The following THEMIS variants were observed in gnomAD, a reference collection of about 807,000 sequenced individuals.
THEMIS encodes the protein thymocyte selection associated, also known as protein THEMIS.
A neutral mutation model predicts 52.6 loss-of-function variants in THEMIS; 37 were observed. The ratio of observed to expected loss-of-function variants is 0.70; its 90% CI spans 0.54 to 0.93. THEMIS has a LOEUF of 0.93. Ranked by LOEUF, THEMIS falls within the 40% of genes least tolerant of loss-of-function variation. The pLI, the probability that THEMIS is intolerant of heterozygous loss-of-function variation, is 0.00. For missense variants in THEMIS, 808 were observed against 763.1 expected, an observed-to-expected ratio of 1.06 and a Z score of -0.69; for synonymous variants, 292 against 272.7, an observed-to-expected ratio of 1.07 and a Z score of -0.70.
Position 127,724,260 on chromosome 6 carries a change from T to C in THEMIS, c.1759-4437A>G, listed in dbSNP as rs1444206678. Among the ~76,000 whole-genome samples, 10 of 152,266 alleles carry C rather than the reference T, an allele frequency of 6.6e-5. No homozygotes were observed. The East Asian group carries it at 7.7e-4, about 12-fold the overall frequency. On this transcript the variant is annotated intron_variant, in intron 4 of 5. Transcript: ENST00000368248. ...ATCATGCAGAACTGTATTCATACAG[T>C]ATCCCATATAGCTCTGAATCAAATT...
At chr6:127,822,997 C>T (rs1171541002) in intron 3 of THEMIS, among the ~76,000 whole-genome samples, 2 of 152,064 alleles carry the variant, frequency 1.3e-5, no homozygotes, top group East Asian at 1.9e-4. Context: ...TATTTACATA[C>T]AATTTGTTTT....
At chr6:127,801,641 C>T (rs1777539263) in intron 4 of THEMIS, among the ~76,000 whole-genome samples, 1 of 152,146 alleles carries the variant, frequency 6.6e-6, no homozygotes, top group African/African-American at 2.4e-5. Flanking sequence ...CCCTCCTCAA[C>T]CCATGCTGCC....
intron 4 of THEMIS, among the ~76,000 whole-genome samples, chr6:127,760,019 T>C (rs1030514213): frequency 6.6e-6 from 1 of 152,034 alleles, no homozygotes; most frequent in Non-Finnish European, 1.5e-5. Context: ...TCAAGTCTTA[T>C]GTCTAAGTTT....
chr6:127,909,268 A>G (rs551467054), intron 1 of THEMIS, among the ~76,000 whole-genome samples: 1 of 151,994 alleles, frequency 6.6e-6, no homozygotes, highest in Non-Finnish European at 1.5e-5. Flanking sequence ...TTACTCGGTG[A>G]TATGGTTTGA....
chr6:127,787,519 G>T (rs535645461), intron 4 of THEMIS, among the ~76,000 whole-genome samples: 2 of 152,228 alleles, frequency 1.3e-5, no homozygotes, highest in Non-Finnish European at 2.9e-5. Context: ...TGGCACCAGG[G>T]AAATGCTTTT....
intron 3 of THEMIS, among the ~76,000 whole-genome samples, chr6:127,821,352 A>G (rs1377743379): frequency 6.6e-6 from 1 of 152,068 alleles, no homozygotes; most frequent in African/African-American, 2.4e-5. Context: ...AACACCTGAG[A>G]GCATGAGACT....
chr6:127,832,956 G>A (rs1778749832), intron 2 of THEMIS, among the ~76,000 whole-genome samples: 1 of 151,070 alleles, frequency 6.6e-6, no homozygotes, highest in Admixed American at 6.6e-5. Context: ...GTTAATTTTT[G>A]TATTTTTAAT....
intron 3 of THEMIS, among the ~76,000 whole-genome samples, chr6:127,827,004 TTATATTC>T (rs746068828): frequency 6.9e-4 from 105 of 152,182 alleles, no homozygotes; most frequent in East Asian, 2.9e-3. Context: ...GTAGAATATC[TTATATTC>T]TCTCTTATCT....
intron 3 of THEMIS, among the ~76,000 whole-genome samples, chr6:127,827,066 T>A (rs1373195856): frequency 6.6e-6 from 1 of 152,120 alleles, no homozygotes; most frequent in Non-Finnish European, 1.5e-5. Flanking sequence ...TGGCTCCCTG[T>A]AGTTCTCAGT....
the THEMIS span, among the ~76,000 whole-genome samples, chr6:127,700,423 C>T: frequency 6.6e-6 from 1 of 151,622 alleles, no homozygotes. Flanking sequence ...GTATAAATAT[C>T]ATATGCATTA....
intron 1 of THEMIS, among the ~76,000 whole-genome samples, chr6:127,878,860 C>G (rs1249870712): frequency 6.6e-6 from 1 of 152,128 alleles, no homozygotes; most frequent in Non-Finnish European, 1.5e-5. Flanking sequence ...TGAAGCCCAG[C>G]AGTAAAAATA....
At chr6:127,794,552 T>G (rs1368313746) in intron 4 of THEMIS, among the ~76,000 whole-genome samples, 1 of 152,216 alleles carries the variant, frequency 6.6e-6, no homozygotes, top group Non-Finnish European at 1.5e-5. Context: ...GGTCTTCTAC[T>G]TCAGCACCCT....
At chr6:127,716,872 A>G (rs1201027238) in intron 5 of THEMIS, among the ~76,000 whole-genome samples, 1 of 151,860 alleles carries the variant, frequency 6.6e-6, no homozygotes, top group Non-Finnish European at 1.5e-5. Context: ...TCTCTACACA[A>G]TTGGAGTGTT....
At chr6:127,715,442 G>A (rs903103370) in intron 5 of THEMIS, among the ~76,000 whole-genome samples, 10 of 151,828 alleles carry the variant, frequency 6.6e-5, no homozygotes, top group African/African-American at 2.2e-4. Context: ...AAACAACAAT[G>A]TGCTTTATGA....
chr6:127,717,136 C>A (rs890715726), intron 5 of THEMIS, among the ~76,000 whole-genome samples: 1 of 151,836 alleles, frequency 6.6e-6, no homozygotes, highest in Non-Finnish European at 1.5e-5. Flanking sequence ...ATTATTATAG[C>A]CTGACTTCAT....
At chr6:127,703,038 T>G in the THEMIS span, among the ~76,000 whole-genome samples, 5 of 80,790 alleles carry the variant, frequency 6.2e-5, no homozygotes, top group Admixed American at 2.1e-4. Context: ...AGAATGAGTT[T>G]TTTTTTTTTT....
At chr6:127,876,363 T>C (rs377612999) in intron 1 of THEMIS, among the ~76,000 whole-genome samples, 7 of 152,356 alleles carry the variant, frequency 4.6e-5, no homozygotes, top group Admixed American at 2.0e-4. Context: ...CTAAGATTCA[T>C]TGATGCAGAA....
intron 1 of THEMIS, among the ~76,000 whole-genome samples, chr6:127,863,835 A>C (rs1779887020): frequency 6.6e-6 from 1 of 152,200 alleles, no homozygotes; most frequent in Admixed American, 6.5e-5. Context: ...GCCGTTTCAC[A>C]CTAGCAATAT....
chr6:127,787,947 A>C (rs1212550971), intron 4 of THEMIS, among the ~76,000 whole-genome samples: 1 of 151,964 alleles, frequency 6.6e-6, no homozygotes, highest in Non-Finnish European at 1.5e-5. Flanking sequence ...TAATAAACAC[A>C]AAGTGTCTAG....
Sources: allele counts gnomAD v4.1 joint callset (sites outside exome capture counted in the v4.1 genomes callset), GRCh38; gene constraint gnomAD v4.1.1; transcripts MANE v1.5; gene names NCBI Gene and HGNC (gene_info 2026-07-23, HGNC 2026-07-21).